XIRP2: variants seen among roughly 807,000 people sequenced by gnomAD.
XIRP2 encodes the protein xin actin binding repeat containing 2, also known as xin actin-binding repeat-containing protein 2.
A neutral mutation model predicts 277.0 loss-of-function variants in XIRP2; 236 were observed. The observed-to-expected ratio is 0.85, with a 90% CI of 0.77 to 0.95. XIRP2 has a LOEUF of 0.95. Among genes scored for constraint, XIRP2 ranks in the 40% least tolerant of loss-of-function variants. The pLI, the probability that XIRP2 is intolerant of heterozygous loss-of-function variation, is 0.00. For missense variants in XIRP2, 4,640 were observed against 4,157.5 expected (o/e 1.12, Z -3.19); for synonymous variants, 1,490 against 1,416.5 (o/e 1.05, Z -1.17).
chr2:167,030,847 G>T (rs532381444), intron 2 of XIRP2, among the ~76,000 whole-genome samples: 5 of 152,220 alleles, frequency 3.3e-5, no homozygotes, highest in African/African-American at 1.2e-4. Context: ...AGGTCTCTAA[G>T]AACTTGCTTT....
At chr2:167,166,582 G>A (rs891639524) in intron 3 of XIRP2, among the ~76,000 whole-genome samples, 5 of 152,184 alleles carry the variant, frequency 3.3e-5, no homozygotes, top group African/African-American at 1.2e-4. Context: ...TGCTTCTGGT[G>A]AGGGCTCAGG....
Position 166,915,329 on chromosome 2 carries a change from G to T in XIRP2, c.408+11439G>T, listed in dbSNP as rs999512669. Among the ~76,000 whole-genome samples, 23 of 141,802 alleles carry T rather than the reference G, an allele frequency of 1.6e-4. No individual in the cohort carries two copies. The South Asian group carries it at 2.9e-3, about 18-fold the overall frequency. 93.0% of individuals were successfully genotyped at this position (141,802 alleles called of 152,430 possible). A position where few individuals can be genotyped will look rare whatever the true frequency, so the allele number is the denominator to read the frequency against. On this transcript the variant is annotated intron_variant, in intron 2 of 10. Transcript: ENST00000409195. ...AAAAAAAAAAAAAAAAAAAGAAAAA[G>T]AAATATTATAAAGGAACCTATGAAC...
At chr2:167,091,873 G>A (rs1018177271) in intron 2 of XIRP2, among the ~76,000 whole-genome samples, 1 of 152,108 alleles carries the variant, frequency 6.6e-6, no homozygotes, top group Non-Finnish European at 1.5e-5. Flanking sequence ...CTGGTCAATT[G>A]TCAGGTCACG....
intron 1 of XIRP2, among the ~76,000 whole-genome samples, chr2:166,892,808 GAT>G (rs113558500): frequency 1.7e-4 from 25 of 143,136 alleles, no homozygotes; most frequent in East Asian, 2.0e-4. Context: ...TTTCATAGAA[GAT>G]ATATATATAT....
chr2:167,231,895 G>T (rs1299923684), intron 5 of XIRP2, among the ~76,000 whole-genome samples: 1 of 151,946 alleles, frequency 6.6e-6, no homozygotes, highest in African/African-American at 2.4e-5. Context: ...GAATGTGTCT[G>T]GGGCCGGTGG....
intron 2 of XIRP2, among the ~76,000 whole-genome samples, chr2:166,910,692 C>G (rs1288880264): frequency 6.6e-6 from 1 of 152,012 alleles, no homozygotes; most frequent in Non-Finnish European, 1.5e-5. Context: ...CTAGTTCTTT[C>G]AATTGTGATG....
intron 5 of XIRP2, among the ~76,000 whole-genome samples, chr2:167,238,669 T>C: frequency 6.6e-6 from 1 of 152,180 alleles, no homozygotes; most frequent in Non-Finnish European, 1.5e-5. Context: ...AATATACCCA[T>C]GCTCACTTGA....
chr2:167,103,420 T>C (rs149051396), intron 2 of XIRP2, among the ~76,000 whole-genome samples: 1 of 152,324 alleles, frequency 6.6e-6, no homozygotes, highest in Non-Finnish European at 1.5e-5. Flanking sequence ...TTGCTCTTGT[T>C]GCTGCTCTTT....
intron 2 of XIRP2, among the ~76,000 whole-genome samples, chr2:167,021,184 G>T (rs1687970992): frequency 6.6e-6 from 1 of 152,060 alleles, no homozygotes; most frequent in African/African-American, 2.4e-5. Context: ...TAGAAAAGCT[G>T]TGCTTTCAGG....
At chr2:166,920,970 A>G (rs76353496) in intron 2 of XIRP2, among the ~76,000 whole-genome samples, 2,437 of 152,222 alleles carry the variant, frequency 0.016, 33 homozygotes, top group South Asian at 0.046. Flanking sequence ...AGAATAGCTA[A>G]ATTGGTCTAA....
At chr2:167,201,328 GGAAGGAAGGAAGGAAA>G (rs1453222235) in intron 3 of XIRP2, among the ~76,000 whole-genome samples, 3 of 146,726 alleles carry the variant, frequency 2.0e-5, no homozygotes, top group African/African-American at 7.3e-5. Context: ...AACGAAGGAA[GGAAGGAAGGAAGGAAA>G]GAAGGAAGGA....
In XIRP2 at chr2:166,922,820, CT is replaced by C. The variant is rs201750485; in HGVS notation, c.408+18945del. Among the ~76,000 whole-genome samples the C allele has an allele frequency of 5.1e-3, 711 of 138,170 alleles. 1 individual carries two copies. The highest frequency in any genetic ancestry group is 0.011 in the South Asian group (46 of 4,276). 90.6% of individuals were successfully genotyped at this position (138,170 alleles called of 152,430 possible). A position where few individuals can be genotyped will look rare whatever the true frequency, so the allele number is the denominator to read the frequency against. ...TTTTCTTTCTTCTTTTCTTTCCTTC[CT>C]TTTTTTTTTTTTTTAAAGAAAGGTA... On this transcript the variant is annotated intron_variant, in intron 2 of 10. Transcript: ENST00000409195.
chr2:167,124,271 G>A (rs1294288822), intron 2 of XIRP2: 1 of 152,108 alleles, frequency 6.6e-6, no homozygotes, highest in African/African-American at 2.4e-5. Flanking sequence ...GAAAAGTTTA[G>A]ATGCTGAGTT....
chr2:167,202,225 A>T (rs1693741096), intron 3 of XIRP2, among the ~76,000 whole-genome samples: 1 of 152,176 alleles, frequency 6.6e-6, no homozygotes, highest in Non-Finnish European at 1.5e-5. Flanking sequence ...TTATTCAATT[A>T]TTGATTTTTT....
chr2:167,114,993 A>G (rs944290349), intron 2 of XIRP2, among the ~76,000 whole-genome samples: 1 of 152,082 alleles, frequency 6.6e-6, no homozygotes, highest in Non-Finnish European at 1.5e-5. Context: ...TGGTATTTCT[A>G]GTTCTAGATC....
rs1695151360 is a variant in XIRP2 at position 167,243,667 on chromosome 2, A to G, written c.2275A>G (p.Arg759Gly). 1.9e-6 allele frequency: 3 copies of G among 1,614,070 alleles called. No individual in the cohort carries two copies. The highest frequency in any genetic ancestry group is 4.5e-5 in the East Asian group (2 of 44,856). Residue 759 changes from arginine (R) to glycine (G), a missense_variant, in exon 9 of 11, where the codon AGA becomes GGA. By Grantham distance (125) the Arg-to-Gly change is moderately radical. Transcript: ENST00000409195. ...AATGCTGGAAATTAAAACTGTTCAC[A>G]GAGAAGACGTTGAAAAGGGAGATGT... ...GQMLEIKTVH[R>G]EDVEKGDVRT...
chr2:166,909,010 G>A (rs911456106), intron 2 of XIRP2, among the ~76,000 whole-genome samples: 1 of 152,106 alleles, frequency 6.6e-6, no homozygotes, highest in Non-Finnish European at 1.5e-5. Context: ...TGCTGTTTTG[G>A]TTACTATAGT....
intron 2 of XIRP2, among the ~76,000 whole-genome samples, chr2:167,011,431 C>T (rs1194944294): frequency 6.6e-6 from 1 of 150,582 alleles, no homozygotes; most frequent in Admixed American, 6.6e-5. Context: ...CCCACTTGAT[C>T]ATGGTGGATA....
At position 167,251,292 on chromosome 2, in the gene XIRP2, A is replaced by G; in HGVS notation, c.9900A>G (p.Ala3300=). The G allele has an allele frequency of 6.2e-7, 1 of 1,613,624 alleles. No individual in the cohort carries two copies. Among genetic ancestry groups the G allele is most frequent in the Non-Finnish European group, 8.5e-7 (1 of 1,179,696 alleles). Residue 3300 remains alanine (A), a synonymous_variant, in exon 9 of 11, where the codon GCA becomes GCG. Coordinates refer to ENST00000409195, the MANE Select transcript of XIRP2 (RefSeq NM_152381.6). ...YDAVEIIRKV[A]VPPRLSEHTQ... is the part of the protein sequence containing the mutation. The stretch of plus-strand genomic sequence containing the variant: ...CAGTTGAAATCATCCGCAAGGTTGC[A>G]GTGCCTCCTCGCCTGTCAGAGCACA...
Sources: allele counts gnomAD v4.1 joint callset (sites outside exome capture counted in the v4.1 genomes callset), GRCh38; gene constraint gnomAD v4.1.1; transcripts MANE v1.5; gene names NCBI Gene and HGNC (gene_info 2026-07-23, HGNC 2026-07-21).